JOSD1: variants seen among roughly 807,000 people sequenced by gnomAD.
The protein encoded by JOSD1 is Josephin domain containing 1.
Under a neutral mutation model 24.3 loss-of-function variants are expected in JOSD1, and 11 were observed. The observed-to-expected ratio is 0.45, with a 90% confidence interval of 0.29 to 0.75. JOSD1 has a LOEUF of 0.75. JOSD1 is among the 30% of genes least tolerant of loss of function. The pLI is 0.11. For synonymous variants in JOSD1, 106 were observed against 93.8 expected (o/e 1.13, Z -0.75); for missense variants, 184 against 253.5 (o/e 0.73, Z 1.86).
Position 38,700,893 on chromosome 22 carries a change from G to T in JOSD1, c.-725C>A, listed in dbSNP as rs933193078. 1 of 984,510 alleles carries T rather than the reference G, an allele frequency of 1.0e-6. No homozygotes were observed. The highest frequency in any genetic ancestry group is 4.7e-5 in the South Asian group (1 of 21,294). The allele number at this position is 984,510 out of a possible 1,614,324, so 61.0% of individuals were successfully genotyped here. A position where few individuals can be genotyped will look rare whatever the true frequency, so the allele number is the denominator to read the frequency against. On this transcript the variant is annotated 5_prime_UTR_variant, in exon 1 of 5. Transcript: ENST00000683374. ...GCCGCCGGGACTGCTCGCCGCTGGC[G>T]GTCCCCTCACCGCAGCCGGCCGCCA...
rs1168229340 is a variant in JOSD1, at chr22:38,689,443, G to A, written c.186-19C>T. On this transcript the variant is annotated intron_variant, in intron 2 of 4. Transcript: ENST00000683374. The stretch of plus-strand genomic sequence containing the variant: ...AGACAACCTACCAATGTGAAAAGAG[G>A]AGGGCTGAGACTTGCTGGATGCCTG... 6 of 1,613,754 alleles carry A rather than the reference G, an allele frequency of 3.7e-6. No individual in the cohort carries two copies. The highest frequency in any genetic ancestry group is 1.3e-5 in the African/African-American group (1 of 74,932).
At position 38,700,187 on chromosome 22, in the gene JOSD1, G is replaced by C. The variant is rs1218910146; in HGVS notation, c.-200C>G. On this transcript the variant is annotated 5_prime_UTR_variant, in exon 2 of 5. Coordinates refer to ENST00000683374, the MANE Select transcript of JOSD1 (RefSeq NM_001360236.2). ...ACCCACCTCTTCTCTCTTCTCAATA[G>C]AAAAATAACTTTTGGATTACTTTTA... 1.6e-6 allele frequency: 2 copies of C among 1,261,914 alleles called. No individual in the cohort carries two copies. Among genetic ancestry groups the C allele is most frequent in the South Asian group, 2.8e-5 (1 of 35,100 alleles). The allele number at this position is 1,261,914 out of a possible 1,614,324, so 78.2% of individuals were successfully genotyped here. A position where few individuals can be genotyped will look rare whatever the true frequency, so the allele number is the denominator to read the frequency against.
chr22:38,700,108 G>A lies in JOSD1; in HGVS notation c.-121C>T, dbSNP rs1276323039. 1.4e-6 allele frequency: 2 copies of A among 1,406,352 alleles called. No individual in the cohort carries two copies. Among genetic ancestry groups the A allele is most frequent in the African/African-American group, 1.5e-5 (1 of 67,658 alleles). 87.1% of individuals were successfully genotyped at this position (1,406,352 alleles called of 1,614,324 possible). ...GTCCACCTTATTCTCTGGTGTCCAT[G>A]ATTTATGCTTTGTCACTGGGAGAAA... On this transcript the variant is annotated 5_prime_UTR_variant, in exon 2 of 5. Transcript: ENST00000683374.
chr22:38,700,573 C>T lies in JOSD1; in HGVS notation c.-586G>A, dbSNP rs1603149088. On this transcript the variant is annotated 5_prime_UTR_variant, in exon 2 of 5. Transcript: ENST00000683374. Reference sequence around the variant, plus strand: ...CTCGGGTACGGTGGGGCCCGCAGGGCGCGGCTCCCTCGGAAGGCGCGGATT... The same window carrying T: ...CTCGGGTACGGTGGGGCCCGCAGGGTGCGGCTCCCTCGGAAGGCGCGGATT... The T allele has an allele frequency of 1.0e-6, 1 of 985,192 alleles. No homozygotes were observed. Among genetic ancestry groups the T allele is most frequent in the African/African-American group, 1.7e-5 (1 of 57,238 alleles). 61.0% of individuals were successfully genotyped at this position (985,192 alleles called of 1,614,324 possible).
Position 38,700,061 on chromosome 22 carries a change from C to T in JOSD1, c.-74G>A. ...CTCTAGAGGAAGAATGTAAGCTTCT[C>T]AGTCTTTTCCGGATTCCTGAGGTCC... On this transcript the variant is annotated 5_prime_UTR_variant, in exon 2 of 5. Transcript: ENST00000683374. 1.3e-6 allele frequency: 2 copies of T among 1,507,098 alleles called. No individual in the cohort carries two copies. Among genetic ancestry groups the T allele is most frequent in the Admixed American group, 2.4e-5 (1 of 41,930 alleles). 93.4% of individuals were successfully genotyped at this position (1,507,098 alleles called of 1,614,324 possible). A position where few individuals can be genotyped will look rare whatever the true frequency, so the allele number is the denominator to read the frequency against.
chr22:38,700,624 G>A lies in JOSD1; in HGVS notation c.-631-6C>T, dbSNP rs577637236. The A allele has an allele frequency of 1.0e-6, 1 of 985,034 alleles. No homozygotes were observed. The highest frequency in any genetic ancestry group is 1.2e-6 in the Non-Finnish European group (1 of 829,604). 61.0% of individuals were successfully genotyped at this position (985,034 alleles called of 1,614,324 possible). ...CTAGCCCTCTGGCCGCGGCCCTGCG[G>A]AGGAGGAGACAACTCCGGTCAGCGG... On this transcript the variant is annotated splice_polypyrimidine_tract_variant and splice_region_variant and intron_variant, in intron 1 of 4. Coordinates refer to ENST00000683374, the MANE Select transcript of JOSD1 (RefSeq NM_001360236.2).
chr22:38,696,409 G>GT (rs1023261149), intron 2 of JOSD1, among the ~76,000 whole-genome samples: 6 of 151,350 alleles, frequency 4.0e-5, no homozygotes, highest in South Asian at 4.2e-4. Flanking sequence ...GCTAATTTTT[G>GT]TTTTTTTTAA....
chr22:38,694,935 AT>A (rs1269683494), intron 2 of JOSD1, among the ~76,000 whole-genome samples: 1 of 151,868 alleles, frequency 6.6e-6, no homozygotes, highest in Non-Finnish European at 1.5e-5. Context: ...GTGTCCTCAG[AT>A]AAGTCCTTGT....
At position 38,699,784 on chromosome 22, in the gene JOSD1, AAGG is replaced by A. The variant is rs781619210; in HGVS notation, c.185+16_185+18del. 2.7e-5 allele frequency: 43 copies of A among 1,611,904 alleles called. No individual in the cohort carries two copies. The highest frequency in any genetic ancestry group is 3.0e-5 in the Non-Finnish European group (35 of 1,178,368). On this transcript the variant is annotated intron_variant, in intron 2 of 4. Transcript: ENST00000683374. ...CCAGAAATATCAGTATCAAGATGCC[AAGG>A]AGAAGGGTCCCCTACCTCTGGAAAA...
chr22:38,696,332 G>C (rs748853144), intron 2 of JOSD1, among the ~76,000 whole-genome samples: 1 of 151,836 alleles, frequency 6.6e-6, no homozygotes, highest in Non-Finnish European at 1.5e-5. Flanking sequence ...CTACCTCCTG[G>C]GTTCAAGTGA....
Position 38,685,996 on chromosome 22 carries a change from GCTTA to G in JOSD1, c.*1902_*1905del, listed in dbSNP as rs1300314840. The stretch of plus-strand genomic sequence containing the variant: ...AGTTTCCTCCTCTACCCAAGAAATG[GCTTA>G]CTATCTGACAGTGCCAGTGGCCCCA... On this transcript the variant is annotated 3_prime_UTR_variant, in exon 5 of 5. Coordinates refer to ENST00000683374, the MANE Select transcript of JOSD1 (RefSeq NM_001360236.2). 1 of 152,634 alleles carries G rather than the reference GCTTA, an allele frequency of 6.6e-6. No homozygotes were observed. Among genetic ancestry groups the G allele is most frequent in the Admixed American group, 6.5e-5 (1 of 15,282 alleles). The allele number at this position is 152,634 out of a possible 1,614,324, so 9.5% of individuals were successfully genotyped here.
intron 2 of JOSD1, among the ~76,000 whole-genome samples, chr22:38,697,485 G>C (rs1293885236): frequency 6.6e-6 from 1 of 152,210 alleles, no homozygotes; most frequent in African/African-American, 2.4e-5. Flanking sequence ...TAGCATTCTT[G>C]TATTCAGGAG....
At chr22:38,698,339 T>C (rs117806533) in intron 2 of JOSD1, among the ~76,000 whole-genome samples, 4 of 152,316 alleles carry the variant, frequency 2.6e-5, no homozygotes, top group East Asian at 3.9e-4. Flanking sequence ...ACTACTGGCA[T>C]TGGAAAATAA....
chr22:38,695,742 C>T lies in JOSD1; in HGVS notation c.185+4061G>A, dbSNP rs557490603. Among the ~76,000 whole-genome samples the T allele has an allele frequency of 1.9e-4, 29 of 151,980 alleles. No individual in the cohort carries two copies. The South Asian group carries it at 2.7e-3, about 14-fold the overall frequency. ...GATTACAGGCATAAGCCACCAAGCC[C>T]AGCCGTGGTTAAATTTTAATATTAA... On this transcript the variant is annotated intron_variant, in intron 2 of 4. Transcript: ENST00000683374.
chr22:38,689,108 G>T lies in JOSD1; in HGVS notation c.336C>A (p.Leu112=), dbSNP rs771168580. The change falls in exon 4 of 5, where the codon CTC becomes CTA. Residue 112 remains leucine, a synonymous_variant. Transcript: ENST00000683374. ...TCATGATGAAGCCCATGACGTTAGT[G>T]AGGGCAATGACACCGACATCCCTGC... ...DKRRDVGVIA[L]TNVMGFIMNL... 5.0e-6 allele frequency: 8 copies of T among 1,613,890 alleles called. No individual in the cohort carries two copies. The East Asian group carries it at 1.8e-4, about 36-fold the overall frequency.
intron 2 of JOSD1, among the ~76,000 whole-genome samples, chr22:38,696,058 G>A (rs2092544811): frequency 6.6e-6 from 1 of 152,188 alleles, no homozygotes; most frequent in East Asian, 1.9e-4. Context: ...CTCCGTCTCG[G>A]GTGGGGGGAA....
chr22:38,685,799 C>T lies in JOSD1; in HGVS notation c.*2103G>A, dbSNP rs922200053. On this transcript the variant is annotated 3_prime_UTR_variant, in exon 5 of 5. Coordinates refer to ENST00000683374, the MANE Select transcript of JOSD1 (RefSeq NM_001360236.2). ...CTTAAAGGAAGTGGGGCTTTTTGCC[C>T]TTGGGCATCAGCATGGGTCCCTGTT... 2.0e-5 allele frequency: 3 copies of T among 152,614 alleles called. No homozygotes were observed. Among genetic ancestry groups the T allele is most frequent in the Admixed American group, 6.5e-5 (1 of 15,282 alleles). 9.5% of individuals were successfully genotyped at this position (152,614 alleles called of 1,614,324 possible).
At chr22:38,692,524 A>G (rs1367130912) in intron 2 of JOSD1, among the ~76,000 whole-genome samples, 1 of 152,172 alleles carries the variant, frequency 6.6e-6, no homozygotes, top group Non-Finnish European at 1.5e-5. Context: ...CACGCCTGTT[A>G]TCCCAGCACT....
intron 2 of JOSD1, among the ~76,000 whole-genome samples, chr22:38,693,599 CTATTT>C (rs1325384414): frequency 6.6e-6 from 1 of 152,160 alleles, no homozygotes; most frequent in Non-Finnish European, 1.5e-5. Flanking sequence ...GGCCTTTATT[CTATTT>C]TTTCTTCCTC....
Sources: allele counts gnomAD v4.1 joint callset (sites outside exome capture counted in the v4.1 genomes callset), GRCh38; gene constraint gnomAD v4.1.1; transcripts MANE v1.5; gene names NCBI Gene and HGNC (gene_info 2026-07-23, HGNC 2026-07-21).